The following ASTN2 variants were observed in gnomAD, a reference collection of about 807,000 sequenced individuals.
ASTN2 encodes astrotactin-2.
Under a neutral mutation model 139.8 loss-of-function variants are expected in ASTN2, and 54 were observed. That is an observed-to-expected ratio of 0.39 (90% CI 0.31 to 0.48). The LOEUF (loss-of-function observed/expected upper bound fraction) is 0.48. ASTN2 is among the 20% of genes least tolerant of loss of function. The probability of loss-of-function intolerance (pLI) is 0.95; values close to 1 mark genes in which losing one functional copy is unlikely to be tolerated. For synonymous variants in ASTN2, 756 were observed against 719.5 expected (o/e 1.05, Z -0.81); for missense variants, 1,565 against 1,725.1 (o/e 0.91, Z 1.64).
chr9:117,134,971 G>C (rs913376678), intron 4 of ASTN2, among the ~76,000 whole-genome samples: 10 of 152,214 alleles, frequency 6.6e-5, no homozygotes, highest in African/African-American at 2.2e-4. Context: ...TAAAAGCTGA[G>C]GGGACAGTGC....
At chr9:117,051,775 G>A (rs2132668838) in intron 5 of ASTN2, among the ~76,000 whole-genome samples, 1 of 152,290 alleles carries the variant, frequency 6.6e-6, no homozygotes, top group African/African-American at 2.4e-5. Flanking sequence ...AGGTTAGGAA[G>A]AGGGCAGGAG....
chr9:116,999,548 CTTTTTTTTT>C (rs71379248), intron 7 of ASTN2, among the ~76,000 whole-genome samples: 10 of 94,962 alleles, frequency 1.1e-4, no homozygotes, highest in East Asian at 9.6e-4. Flanking sequence ...TTCTCTCTTT[CTTTTTTTTT>C]TTTTTTTTTT....
chr9:117,304,665 C>G lies in ASTN2; in HGVS notation c.443-13152G>C, dbSNP rs374183376. 3.3e-5 allele frequency among the ~76,000 whole-genome samples: 5 copies of G among 152,190 alleles called. No individual in the cohort carries two copies. In the East Asian group the frequency reaches 7.7e-4, roughly 23 times the overall value. ...TATATTCCTTAAATAAGCTCCATGC[C>G]TGTTCGGTGTGTTCACAGCAGCCTT... On this transcript the variant is annotated intron_variant, in intron 1 of 22. Coordinates refer to ENST00000313400, the MANE Select transcript of ASTN2 (RefSeq NM_001365068.1).
At chr9:116,729,198 T>C (rs1044673691) in intron 14 of ASTN2, 102 bp from the exon 15 acceptor site, 7 of 852,536 alleles carry the variant, frequency 8.2e-6, no homozygotes, top group African/African-American at 5.0e-5. Context: ...GACACCTCTT[T>C]GAAGTACAAC....
At chr9:116,655,577 C>T (rs902437583) in intron 16 of ASTN2, among the ~76,000 whole-genome samples, 1 of 152,152 alleles carries the variant, frequency 6.6e-6, no homozygotes, top group African/African-American at 2.4e-5. Flanking sequence ...TTTCTTCCAC[C>T]CCATCTCCAG....
intron 3 of ASTN2, among the ~76,000 whole-genome samples, chr9:117,205,163 C>T (rs1402686014): frequency 6.6e-6 from 1 of 152,128 alleles, no homozygotes; most frequent in African/African-American, 2.4e-5. Flanking sequence ...CACAGAAGAG[C>T]CTATGATGGA....
intron 20 of ASTN2, among the ~76,000 whole-genome samples, chr9:116,476,011 C>T: frequency 6.6e-6 from 1 of 152,174 alleles, no homozygotes; most frequent in Admixed American, 6.5e-5. Context: ...AAGGGCACCA[C>T]AAATTTGGTG....
At chr9:116,716,391 T>C (rs943670156) in intron 16 of ASTN2, among the ~76,000 whole-genome samples, 6 of 152,172 alleles carry the variant, frequency 3.9e-5, no homozygotes, top group African/African-American at 1.4e-4. Context: ...GAATTTGTTC[T>C]AAGTTTTCTG....
chr9:117,165,928 G>A (rs535275564), intron 3 of ASTN2, among the ~76,000 whole-genome samples: 132 of 152,150 alleles, frequency 8.7e-4, no homozygotes, highest in African/African-American at 3.1e-3. Context: ...TTAAAAAGCC[G>A]TTATCATAGG....
Position 116,993,923 on chromosome 9 carries a change from G to T in ASTN2, c.1591+14169C>A, listed in dbSNP as rs540556397. Among the ~76,000 whole-genome samples the T allele has an allele frequency of 1.4e-4, 21 of 147,482 alleles. No homozygotes were observed. The East Asian group carries it at 4.0e-3, about 28-fold the overall frequency. On this transcript the variant is annotated intron_variant, in intron 7 of 22. Transcript: ENST00000313400. The stretch of plus-strand genomic sequence containing the variant: ...TATTTTAGCTCTGTGCCTGTCCCCT[G>T]CCCCGCAAGAATGTAAGTTACATGG...
chr9:116,783,153 C>T (rs1444283417), intron 13 of ASTN2, among the ~76,000 whole-genome samples: 3 of 152,058 alleles, frequency 2.0e-5, no homozygotes, highest in Non-Finnish European at 2.9e-5. Context: ...TCTATCACCT[C>T]GAACAGTGGT....
At chr9:117,238,492 T>C (rs1012355759) in intron 2 of ASTN2, among the ~76,000 whole-genome samples, 1 of 152,232 alleles carries the variant, frequency 6.6e-6, no homozygotes, top group South Asian at 2.1e-4. Context: ...GAACCTGTTA[T>C]GAATGTGTAT....
chr9:117,203,884 G>A (rs1831820582), intron 3 of ASTN2, among the ~76,000 whole-genome samples: 1 of 152,184 alleles, frequency 6.6e-6, no homozygotes, highest in East Asian at 1.9e-4. Flanking sequence ...GTGCCTTGGT[G>A]GAGAGGGTGT....
chr9:116,855,912 A>G lies in ASTN2; in HGVS notation c.2040+7671T>C, dbSNP rs114811828. ...CCGTATCAGTAATACTAGGCCTGAT[A>G]TTATTTATAGCATTTATTCATTTAT... On this transcript the variant is annotated intron_variant, in intron 11 of 22. Transcript: ENST00000313400. Among the ~76,000 whole-genome samples, 917 of 152,286 alleles carry G rather than the reference A, an allele frequency of 6.0e-3. 8 individuals carry two copies. The highest frequency in any genetic ancestry group is 0.021 in the African/African-American group (863 of 41,552).
intron 13 of ASTN2, among the ~76,000 whole-genome samples, chr9:116,769,050 T>C (rs1829888866): frequency 6.6e-6 from 1 of 152,146 alleles, no homozygotes; most frequent in Admixed American, 6.5e-5. Context: ...GAGATACAGA[T>C]TTCAAAAACA....
At chr9:117,280,645 C>T (rs544066551) in intron 2 of ASTN2, among the ~76,000 whole-genome samples, 19 of 152,108 alleles carry the variant, frequency 1.2e-4, no homozygotes, top group Admixed American at 1.2e-3. Context: ...TGTGGCCCTG[C>T]CAACACCATG....
At position 117,414,037 on chromosome 9, in the gene ASTN2, T is replaced by C. The variant is rs1446510516; in HGVS notation, c.442+460A>G. Among the ~76,000 whole-genome samples, 1 of 151,882 alleles carries C rather than the reference T, an allele frequency of 6.6e-6. No homozygotes were observed. Among genetic ancestry groups the C allele is most frequent in the African/African-American group, 2.4e-5 (1 of 41,344 alleles). On this transcript the variant is annotated intron_variant, in intron 1 of 22. Coordinates refer to ENST00000313400, the MANE Select transcript of ASTN2 (RefSeq NM_001365068.1). The surrounding 1 kb of genome is among the most constrained non-coding windows in gnomAD (Gnocchi z 4.2). ...TACTCCATTCCTACTCTCATGAAAATCCATCTGGAAGGGCAGAACCCGCAA... is the reference window on the plus strand; with the variant it reads ...TACTCCATTCCTACTCTCATGAAAACCCATCTGGAAGGGCAGAACCCGCAA...
At chr9:116,672,894 TTAA>T (rs1462347248) in intron 16 of ASTN2, among the ~76,000 whole-genome samples, 1 of 152,214 alleles carries the variant, frequency 6.6e-6, no homozygotes, top group Non-Finnish European at 1.5e-5. Flanking sequence ...GTTTATATTA[TTAA>T]TAATAACAAA....
intron 3 of ASTN2, among the ~76,000 whole-genome samples, chr9:117,175,336 T>A (rs1306141939): frequency 1.3e-5 from 2 of 152,172 alleles, no homozygotes; most frequent in Non-Finnish European, 2.9e-5. Flanking sequence ...ATATATTATT[T>A]CATGGATGAG....
Sources: gnomAD v4.1 joint callset for allele counts (sites outside exome capture counted in the v4.1 genomes callset) on GRCh38, gnomAD v4.1.1 for gene constraint, Gnocchi (gnomAD v3.1) non-coding constraint, MANE v1.5 for transcripts, NCBI Gene and HGNC (gene_info 2026-07-23, HGNC 2026-07-21) for gene names.